The following FRMD4A variants were observed in gnomAD, a reference collection of about 807,000 sequenced individuals.
The protein encoded by FRMD4A is FERM domain-containing protein 4A.
FRMD4A carries 29 observed loss-of-function variants against 129.1 expected under a neutral mutation model. The observed-to-expected ratio is 0.22, with a 90% CI of 0.17 to 0.31. FRMD4A has a LOEUF of 0.31. Ranked by LOEUF, FRMD4A falls within the 10% of genes least tolerant of loss-of-function variation. The pLI is 1.00. For missense variants in FRMD4A, 1,272 were observed against 1,375.8 expected, an observed-to-expected ratio of 0.92 and a Z score of 1.19; for synonymous variants, 634 against 571.6, an observed-to-expected ratio of 1.11 and a Z score of -1.56.
At chr10:13,952,714 G>A (rs113665046) in intron 2 of FRMD4A, among the ~76,000 whole-genome samples, 1 of 151,990 alleles carries the variant, frequency 6.6e-6, no homozygotes, top group Non-Finnish European at 1.5e-5. Context: ...TATTTTTTGA[G>A]ATGGAGTCTC....
chr10:14,318,909 T>C (rs1406153799), intron 2 of FRMD4A, among the ~76,000 whole-genome samples: 2 of 152,212 alleles, frequency 1.3e-5, no homozygotes. Context: ...CAAGTCTGCA[T>C]GACTTCTGAG....
At chr10:13,742,813 G>A (rs1049260293) in intron 9 of FRMD4A, among the ~76,000 whole-genome samples, 6 of 151,904 alleles carry the variant, frequency 3.9e-5, no homozygotes, top group Non-Finnish European at 8.8e-5. Context: ...CACTATACCC[G>A]GCCCTATTAT....
At chr10:13,666,911 CTTTTTTTTTT>C (rs10546068) in intron 17 of FRMD4A, among the ~76,000 whole-genome samples, 2 of 114,376 alleles carry the variant, frequency 1.7e-5, no homozygotes, top group African/African-American at 3.7e-5. Flanking sequence ...CTTTTCTTTT[CTTTTTTTTTT>C]TTTTTTTTTG....
intron 2 of FRMD4A, among the ~76,000 whole-genome samples, chr10:14,075,787 C>T (rs1835558783): frequency 1.3e-5 from 2 of 152,004 alleles, no homozygotes; most frequent in South Asian, 2.1e-4. Context: ...CACACACACA[C>T]ATATATATAA....
intron 2 of FRMD4A, among the ~76,000 whole-genome samples, chr10:13,860,635 A>G (rs2094282311): frequency 6.6e-6 from 1 of 152,148 alleles, no homozygotes. Context: ...GCATCAGTAG[A>G]TCCTGGCCCT....
chr10:13,787,504 C>G (rs559732088), intron 5 of FRMD4A, among the ~76,000 whole-genome samples: 1 of 152,178 alleles, frequency 6.6e-6, no homozygotes, highest in African/African-American at 2.4e-5. Flanking sequence ...CTCTGTCACT[C>G]AGGCTGGAGT....
At chr10:14,141,917 T>C (rs1250041608) in intron 2 of FRMD4A, among the ~76,000 whole-genome samples, 1 of 152,166 alleles carries the variant, frequency 6.6e-6, no homozygotes. Context: ...AGTGACTGAA[T>C]TCAATAAAGG....
At chr10:14,218,086 TC>T (rs1462496430) in intron 2 of FRMD4A, among the ~76,000 whole-genome samples, 3 of 152,196 alleles carry the variant, frequency 2.0e-5, no homozygotes, top group African/African-American at 4.8e-5. Context: ...CGCCTGGGCC[TC>T]CCAAAGTGCT....
intron 2 of FRMD4A, among the ~76,000 whole-genome samples, chr10:14,145,064 G>A (rs944994808): frequency 6.6e-6 from 1 of 152,198 alleles, no homozygotes; most frequent in African/African-American, 2.4e-5. Context: ...GGTTTTCTGG[G>A]TGACTTGGAG....
intron 2 of FRMD4A, among the ~76,000 whole-genome samples, chr10:14,153,761 G>A (rs750583663): frequency 9.2e-5 from 14 of 152,152 alleles, no homozygotes; most frequent in Non-Finnish European, 1.5e-4. Flanking sequence ...TTTGGCACTG[G>A]GAAGCACTGG....
At chr10:13,740,064 A>C (rs2090895616) in intron 11 of FRMD4A, 130 bp downstream of exon 11, 1 of 686,088 alleles carries the variant, frequency 1.5e-6, no homozygotes, top group Non-Finnish European at 2.6e-6. Flanking sequence ...CGCACCCTGC[A>C]CACCAGCCTG....
At chr10:13,682,908 G>T (rs1015785786) in intron 15 of FRMD4A, among the ~76,000 whole-genome samples, 1 of 152,126 alleles carries the variant, frequency 6.6e-6, no homozygotes, top group African/African-American at 2.4e-5. Context: ...ACTCAACACG[G>T]GTAGGAGCTT....
chr10:13,998,951 C>A (rs571265892), intron 2 of FRMD4A, among the ~76,000 whole-genome samples: 2 of 152,296 alleles, frequency 1.3e-5, no homozygotes, highest in Admixed American at 1.3e-4. Context: ...ATGGCCTGCA[C>A]AGCCTGTGCC....
intron 2 of FRMD4A, among the ~76,000 whole-genome samples, chr10:13,942,262 G>A (rs1469950796): frequency 1.3e-5 from 2 of 152,210 alleles, no homozygotes; most frequent in East Asian, 3.9e-4. Flanking sequence ...TTCATCGCAG[G>A]CACTGTCTTG....
At chr10:14,290,055 T>C (rs778530315) in intron 2 of FRMD4A, among the ~76,000 whole-genome samples, 14 of 152,180 alleles carry the variant, frequency 9.2e-5, no homozygotes, top group Non-Finnish European at 1.5e-5. Flanking sequence ...ACTAAAGAGA[T>C]GAAAGACTTG....
At chr10:13,804,207 CCT>C (rs1241828080) in intron 4 of FRMD4A, among the ~76,000 whole-genome samples, 4 of 152,224 alleles carry the variant, frequency 2.6e-5, no homozygotes, top group African/African-American at 9.7e-5. Flanking sequence ...CTGACTTTCT[CCT>C]CTCTCACTGT....
Position 14,212,788 on chromosome 10 carries a change from A to C in FRMD4A, c.45+117270T>G, listed in dbSNP as rs569725048. ...GAGATGCTGGGATGGTTTACTTATG[A>C]ATGCATTTTTCATGATGGTCCAGGT... On this transcript the variant is annotated intron_variant, in intron 2 of 24. Coordinates refer to ENST00000357447, the MANE Select transcript of FRMD4A (RefSeq NM_018027.5). Among the ~76,000 whole-genome samples the C allele has an allele frequency of 3.9e-5, 6 of 152,288 alleles. No homozygotes were observed. In the South Asian group the frequency reaches 1.2e-3, roughly 32 times the overall value.
chr10:14,163,777 T>C (rs1841028060), intron 2 of FRMD4A, among the ~76,000 whole-genome samples: 1 of 152,202 alleles, frequency 6.6e-6, no homozygotes. Context: ...AACGGCTACA[T>C]GTTTGAGACA....
chr10:13,919,329 A>G (rs1031165346), intron 2 of FRMD4A, among the ~76,000 whole-genome samples: 19 of 152,334 alleles, frequency 1.2e-4, no homozygotes, highest in Non-Finnish European at 2.4e-4. Flanking sequence ...GTTAATAAGT[A>G]AGTAGATGCC....
Sources: allele counts gnomAD v4.1 joint callset (sites outside exome capture counted in the v4.1 genomes callset), GRCh38; gene constraint gnomAD v4.1.1; transcripts MANE v1.5; gene names NCBI Gene and HGNC (gene_info 2026-07-23, HGNC 2026-07-21).